IRAK1BP1: variants seen among roughly 807,000 people sequenced by gnomAD.
IRAK1BP1 encodes interleukin 1 receptor associated kinase 1 binding protein 1, also known as interleukin-1 receptor-associated kinase 1-binding protein 1.
In IRAK1BP1, 24 loss-of-function variants were observed where a neutral mutation model predicts 28.0. The observed-to-expected ratio is 0.86, with a 90% CI of 0.62 to 1.20. The LOEUF is 1.20. IRAK1BP1 is among the 50% of genes most tolerant of loss of function. IRAK1BP1 has a pLI of 0.00. For missense variants in IRAK1BP1, 336 were observed against 316.7 expected (o/e 1.06, Z -0.46); for synonymous variants, 131 against 116.3 (o/e 1.13, Z -0.81).
chr6:78,910,568 C>G (rs1582036198), intron 4 of IRAK1BP1, among the ~76,000 whole-genome samples: 1 of 152,226 alleles, frequency 6.6e-6, no homozygotes, highest in Non-Finnish European at 1.5e-5. Context: ...TACAAAATAC[C>G]TAAGGAAATG....
rs1343133840 is a variant in IRAK1BP1 at position 78,901,471 on chromosome 6, C to A, written c.*3137C>A. The A allele has an allele frequency of 6.6e-6, 1 of 151,610 alleles. No individual in the cohort carries two copies. Among genetic ancestry groups the A allele is most frequent in the Non-Finnish European group, 1.5e-5 (1 of 67,916 alleles). The allele number at this position is 151,610 out of a possible 1,614,324, so 9.4% of individuals were successfully genotyped here. ...TAGGGGACCTGTGCCACAAAGTCTACTAGAATAAACCTATCCTAAACTTAA... is the reference window on the plus strand; with the variant it reads ...TAGGGGACCTGTGCCACAAAGTCTAATAGAATAAACCTATCCTAAACTTAA... On this transcript the variant is annotated 3_prime_UTR_variant, in exon 4 of 4. Transcript: ENST00000369940.
chr6:78,918,817 G>T (rs1442670086), intron 4 of IRAK1BP1, among the ~76,000 whole-genome samples: 4 of 152,072 alleles, frequency 2.6e-5, no homozygotes, highest in South Asian at 2.1e-4. Context: ...AACTAACAAA[G>T]AAATTACAGA....
At chr6:78,970,189 A>G in the IRAK1BP1 span, 1 of 1,604,234 alleles carries the variant, frequency 6.2e-7, no homozygotes, top group African/African-American at 1.3e-5. Flanking sequence ...AGAGACAGAG[A>G]ATATAAGGAA....
chr6:78,879,073 C>A (rs1274194944), intron 1 of IRAK1BP1, among the ~76,000 whole-genome samples: 3 of 152,150 alleles, frequency 2.0e-5, no homozygotes, highest in Non-Finnish European at 2.9e-5. Flanking sequence ...AAACACTCTT[C>A]ACGATATTAT....
intron 1 of IRAK1BP1, among the ~76,000 whole-genome samples, chr6:78,881,251 G>A (rs544517428): frequency 6.6e-6 from 1 of 152,284 alleles, no homozygotes; most frequent in African/African-American, 2.4e-5. Context: ...ATATTAGTCA[G>A]TGAAAGAAGC....
intron 4 of IRAK1BP1, among the ~76,000 whole-genome samples, chr6:78,923,314 A>G (rs191156477): frequency 2.6e-5 from 4 of 152,236 alleles, no homozygotes; most frequent in East Asian, 1.9e-4. Flanking sequence ...CAAAGATCCA[A>G]AGAGACAAGG....
downstream of IRAK1BP1, chr6:78,947,717 T>G (rs1206158743): frequency 6.3e-7 from 1 of 1,597,482 alleles, no homozygotes; most frequent in Non-Finnish European, 8.6e-7. Context: ...ATTCCCAGCC[T>G]CTAAAGTTTC....
chr6:78,925,612 C>A (rs914195555), intron 4 of IRAK1BP1, among the ~76,000 whole-genome samples: 1 of 152,146 alleles, frequency 6.6e-6, no homozygotes, highest in Non-Finnish European at 1.5e-5. Flanking sequence ...AGTTCAACCC[C>A]TGTGGAAAGC....
At chr6:78,890,773 C>G (rs948283214) in intron 2 of IRAK1BP1, among the ~76,000 whole-genome samples, 3 of 152,130 alleles carry the variant, frequency 2.0e-5, no homozygotes, top group Non-Finnish European at 4.4e-5. Flanking sequence ...ATCTAGAAAT[C>G]CTTACCTGGC....
At chr6:78,938,499 A>G (rs537937598) in intron 4 of IRAK1BP1, 2 of 151,624 alleles carry the variant, frequency 1.3e-5, no homozygotes, top group Non-Finnish European at 3.0e-5. Context: ...AATGCAGATA[A>G]CATCAGGAAA....
intron 4 of IRAK1BP1, among the ~76,000 whole-genome samples, chr6:78,915,661 A>T (rs1772541726): frequency 6.6e-6 from 1 of 152,194 alleles, no homozygotes; most frequent in Non-Finnish European, 1.5e-5. Flanking sequence ...GACTACATAG[A>T]GGTCAAGGAC....
At chr6:78,881,657 A>C (rs775035273) in intron 1 of IRAK1BP1, among the ~76,000 whole-genome samples, 4 of 152,186 alleles carry the variant, frequency 2.6e-5, no homozygotes, top group Non-Finnish European at 4.4e-5. Context: ...ACTGTCCTAA[A>C]TTACTGGAAA....
the IRAK1BP1 span, chr6:78,978,499 T>A: frequency 1.0e-6 from 1 of 958,346 alleles, no homozygotes; most frequent in Non-Finnish European, 1.5e-6. Flanking sequence ...TTTACAAAAC[T>A]GCTTCTATTT....
intron 1 of IRAK1BP1, 147 bp downstream of exon 1, chr6:78,868,038 C>A (rs1447425759): frequency 3.8e-6 from 3 of 787,204 alleles, no homozygotes; most frequent in Admixed American, 6.3e-5. Flanking sequence ...TACTCCGGGA[C>A]GCCAGGACCT....
the IRAK1BP1 span, among the ~76,000 whole-genome samples, chr6:78,972,903 T>C: frequency 7.2e-4 from 110 of 152,288 alleles, 1 homozygote; most frequent in South Asian, 7.9e-3. Context: ...CTACGTCTGA[T>C]TGGTGTACCT....
At chr6:78,939,084 T>TA (rs1445551558) in intron 4 of IRAK1BP1, 2 of 151,646 alleles carry the variant, frequency 1.3e-5, no homozygotes, top group Non-Finnish European at 3.0e-5. Context: ...TTTAAATTTT[T>TA]AAAAAAATGG....
intron 4 of IRAK1BP1, among the ~76,000 whole-genome samples, chr6:78,924,146 G>C (rs1233633542): frequency 6.6e-6 from 1 of 152,054 alleles, no homozygotes; most frequent in Non-Finnish European, 1.5e-5. Flanking sequence ...TTTTTGAAAA[G>C]ATCAACAAAA....
chr6:78,965,019 C>T, the IRAK1BP1 span, among the ~76,000 whole-genome samples: 1 of 152,096 alleles, frequency 6.6e-6, no homozygotes, highest in Admixed American at 6.6e-5. Flanking sequence ...GTCCCAACGT[C>T]CTTTTCTCAG....
chr6:78,952,440 AGAAAAAAAAAAAG>A, the IRAK1BP1 span, among the ~76,000 whole-genome samples: 38 of 143,854 alleles, frequency 2.6e-4, no homozygotes, highest in African/African-American at 8.4e-4. Flanking sequence ...AAAAAAAAAA[AGAAAAAAAAAAAG>A]GAAAAAAAAA....
Sources: gnomAD v4.1 joint callset for allele counts (sites outside exome capture counted in the v4.1 genomes callset) on GRCh38, gnomAD v4.1.1 for gene constraint, MANE v1.5 for transcripts, NCBI Gene and HGNC (gene_info 2026-07-23, HGNC 2026-07-21) for gene names.